Variants in CDH4 observed in about 807,000 individuals in gnomAD.
CDH4 encodes the protein cadherin 4.
In CDH4, 33 loss-of-function variants were observed where a neutral mutation model predicts 86.0. That is an observed-to-expected ratio of 0.38 (90% CI 0.29 to 0.51). CDH4 has a LOEUF of 0.51. Among genes scored for constraint, CDH4 ranks in the 20% least tolerant of loss-of-function variants. The probability of loss-of-function intolerance (pLI) is 0.86; values close to 1 mark genes in which losing one functional copy is unlikely to be tolerated. For missense variants in CDH4, 1,114 were observed against 1,307.4 expected (o/e 0.85, Z 2.28); for synonymous variants, 555 against 549.4 (o/e 1.01, Z -0.14).
At chr20:61,893,172 TGGG>T (rs770462831) in intron 7 of CDH4, among the ~76,000 whole-genome samples, 6 of 66,682 alleles carry the variant, frequency 9.0e-5, no homozygotes, top group Admixed American at 2.2e-4. Context: ...GGATGGTGGT[TGGG>T]TGGGTGGGTG....
At chr20:61,454,481 T>G (rs2085397002) in intron 2 of CDH4, among the ~76,000 whole-genome samples, 1 of 152,162 alleles carries the variant, frequency 6.6e-6, no homozygotes, top group Non-Finnish European at 1.5e-5. Context: ...AGTCTCACTC[T>G]GTCCCCCAGG....
At chr20:61,443,725 G>A (rs1468508536) in intron 2 of CDH4, among the ~76,000 whole-genome samples, 5 of 152,150 alleles carry the variant, frequency 3.3e-5, no homozygotes, top group African/African-American at 4.8e-5. Flanking sequence ...TGATTTATAC[G>A]CGGGCAGGGC....
At chr20:61,594,630 G>A (rs368401999) in intron 2 of CDH4, among the ~76,000 whole-genome samples, 2 of 152,156 alleles carry the variant, frequency 1.3e-5, no homozygotes, top group Non-Finnish European at 2.9e-5. Flanking sequence ...TGCTGAAGAC[G>A]CCACAGCCCT....
chr20:61,553,417 C>G (rs570602239), intron 2 of CDH4, among the ~76,000 whole-genome samples: 2 of 152,214 alleles, frequency 1.3e-5, no homozygotes, highest in Non-Finnish European at 2.9e-5. Flanking sequence ...CACCTAAATG[C>G]GTGGATTTAC....
intron 2 of CDH4, among the ~76,000 whole-genome samples, chr20:61,262,230 G>C (rs1459348264): frequency 6.6e-6 from 1 of 152,210 alleles, no homozygotes; most frequent in Admixed American, 6.5e-5. Flanking sequence ...CCTCTCTTGA[G>C]CTGATGCCGT....
At chr20:61,733,470 C>T (rs1026547425) in intron 2 of CDH4, among the ~76,000 whole-genome samples, 6 of 152,154 alleles carry the variant, frequency 3.9e-5, no homozygotes, top group Non-Finnish European at 7.3e-5. Context: ...GGGATGCATG[C>T]TTCCTCCCCC....
intron 2 of CDH4, among the ~76,000 whole-genome samples, chr20:61,495,920 AAAAG>A (rs1600712132): frequency 6.6e-6 from 1 of 151,346 alleles, no homozygotes; most frequent in Admixed American, 6.6e-5. Flanking sequence ...AAAAAAAAAA[AAAAG>A]AGTCTAGTGC....
At chr20:61,526,895 A>T (rs948958793) in intron 2 of CDH4, among the ~76,000 whole-genome samples, 2 of 152,246 alleles carry the variant, frequency 1.3e-5, no homozygotes, top group African/African-American at 2.4e-5. Flanking sequence ...TAACAAATGT[A>T]ACGTTCTAAT....
intron 2 of CDH4, among the ~76,000 whole-genome samples, chr20:61,285,072 G>GTC (rs2084285625): frequency 1.3e-5 from 2 of 150,654 alleles, no homozygotes; most frequent in Non-Finnish European, 2.9e-5. Flanking sequence ...AGCCTTTCCT[G>GTC]TTTTTTTTTT....
At chr20:61,735,886 A>G (rs2145931875) in intron 2 of CDH4, among the ~76,000 whole-genome samples, 1 of 152,306 alleles carries the variant, frequency 6.6e-6, no homozygotes, top group African/African-American at 2.4e-5. Flanking sequence ...CTTTGCAGCC[A>G]AATATTGAGG....
At chr20:61,727,704 T>C (rs1430654951) in intron 2 of CDH4, among the ~76,000 whole-genome samples, 1 of 151,350 alleles carries the variant, frequency 6.6e-6, no homozygotes, top group Non-Finnish European at 1.5e-5. Flanking sequence ...GGTGGGAGAG[T>C]TGGAGGTGCC....
At chr20:61,929,393 C>T (rs2055080752) in intron 12 of CDH4, among the ~76,000 whole-genome samples, 1 of 152,240 alleles carries the variant, frequency 6.6e-6, no homozygotes. Flanking sequence ...CCACCTCAGC[C>T]TCCCAAAGTG....
At chr20:61,619,303 C>T (rs574688487) in intron 2 of CDH4, among the ~76,000 whole-genome samples, 1 of 152,244 alleles carries the variant, frequency 6.6e-6, no homozygotes, top group Admixed American at 6.5e-5. Flanking sequence ...GCGTGCCCCC[C>T]ACTCCTTCAC....
intron 4 of CDH4, among the ~76,000 whole-genome samples, chr20:61,781,138 C>T (rs1978519459): frequency 6.6e-6 from 1 of 152,134 alleles, no homozygotes; most frequent in South Asian, 2.1e-4. Context: ...AAGTGAACTC[C>T]CTGCTGTAAT....
chr20:61,790,754 A>G (rs1459311301), intron 4 of CDH4, among the ~76,000 whole-genome samples: 1 of 142,106 alleles, frequency 7.0e-6, no homozygotes, highest in African/African-American at 2.7e-5. Flanking sequence ...CCATCCATTT[A>G]TCTATCCATC....
In CDH4 at chr20:61,544,650, C is replaced by T. The variant is rs774304341; in HGVS notation, c.170-198913C>T. Among the ~76,000 whole-genome samples the T allele has an allele frequency of 1.3e-5, 2 of 152,130 alleles. No homozygotes were observed. Among genetic ancestry groups the T allele is most frequent in the African/African-American group, 2.4e-5 (1 of 41,522 alleles). On this transcript the variant is annotated intron_variant, in intron 2 of 15. Transcript: ENST00000614565. The surrounding 1 kb of genome is among the most constrained non-coding windows in gnomAD (Gnocchi z 6.5). ...CACCAGACCCCACGCTGCTCTACTC[C>T]GCACCGGCCCCCCTGCCTGTACTTG...
At chr20:61,714,021 T>TTTTATTTTATTTTATTTTATTTTA (rs1555828911) in intron 2 of CDH4, among the ~76,000 whole-genome samples, 2 of 135,894 alleles carry the variant, frequency 1.5e-5, no homozygotes, top group African/African-American at 3.0e-5. Context: ...GTCTATTCTT[T>TTTTATTTTATTTTATTTTATTTTA]TTTTATTTTA....
intron 7 of CDH4, among the ~76,000 whole-genome samples, chr20:61,882,323 T>C (rs1224214685): frequency 6.6e-6 from 1 of 152,278 alleles, no homozygotes; most frequent in African/African-American, 2.4e-5. Flanking sequence ...GGGGATTTCA[T>C]CTGTGCCCTC....
chr20:61,875,118 C>T (rs553772818), intron 7 of CDH4, among the ~76,000 whole-genome samples: 1 of 152,302 alleles, frequency 6.6e-6, no homozygotes, highest in Non-Finnish European at 1.5e-5. Context: ...GCTGTGGGAC[C>T]CCCCGGGGCC....
Sources: gnomAD v4.1 joint callset for allele counts (sites outside exome capture counted in the v4.1 genomes callset) on GRCh38, gnomAD v4.1.1 for gene constraint, Gnocchi (gnomAD v3.1) non-coding constraint, MANE v1.5 for transcripts, NCBI Gene and HGNC (gene_info 2026-07-23, HGNC 2026-07-21) for gene names.